Variants in DSCAML1 observed in about 807,000 individuals in gnomAD.
DSCAML1 encodes the protein cell adhesion molecule DSCAML1.
DSCAML1 carries 38 observed loss-of-function variants against 200.5 expected under a neutral mutation model. The observed-to-expected ratio is 0.19, with a 90% CI of 0.15 to 0.25. The LOEUF is 0.25. Ranked by LOEUF, DSCAML1 falls within the 10% of genes least tolerant of loss-of-function variation. DSCAML1 has a pLI of 1.00. For synonymous variants in DSCAML1, 1,215 were observed against 1,165.0 expected (o/e 1.04, Z -0.87); for missense variants, 2,223 against 2,858.8 (o/e 0.78, Z 5.07).
At chr11:117,546,615 G>A (rs2050377489) in intron 3 of DSCAML1, among the ~76,000 whole-genome samples, 1 of 152,070 alleles carries the variant, frequency 6.6e-6, no homozygotes, top group Non-Finnish European at 1.5e-5. Context: ...CCCTGACAGA[G>A]TGACCACTTG....
intron 3 of DSCAML1, among the ~76,000 whole-genome samples, chr11:117,558,094 G>C (rs957152083): frequency 1.3e-5 from 2 of 152,134 alleles, no homozygotes; most frequent in African/African-American, 4.8e-5. Context: ...ACAAAAAGCA[G>C]AAAAGACGGG....
chr11:117,730,282 G>A (rs2137815796), intron 3 of DSCAML1, among the ~76,000 whole-genome samples: 1 of 152,264 alleles, frequency 6.6e-6, no homozygotes, highest in South Asian at 2.1e-4. Context: ...TGATACAATT[G>A]CTAGCTTTAA....
At chr11:117,588,929 A>T (rs1028904082) in intron 3 of DSCAML1, among the ~76,000 whole-genome samples, 1 of 152,250 alleles carries the variant, frequency 6.6e-6, no homozygotes, top group Middle Eastern at 3.4e-3. Flanking sequence ...GCCTGAGACC[A>T]GGGGACCCTG....
intron 3 of DSCAML1, among the ~76,000 whole-genome samples, chr11:117,746,000 G>T (rs1441982063): frequency 6.6e-6 from 1 of 151,820 alleles, no homozygotes; most frequent in East Asian, 1.9e-4. Flanking sequence ...GGATCATGAG[G>T]TCAGGAGATC....
At position 117,518,358 on chromosome 11, in the gene DSCAML1, C is replaced by T. The variant is rs569362434; in HGVS notation, c.1510+108G>A. 1.5e-4 allele frequency: 225 copies of T among 1,488,358 alleles called. 1 individual carries two copies. The African/African-American group carries it at 2.7e-3, about 18-fold the overall frequency. The allele number at this position is 1,488,358 out of a possible 1,614,324, so 92.2% of individuals were successfully genotyped here. On this transcript the variant is annotated intron_variant, in intron 7 of 32. Transcript: ENST00000651296. The surrounding 1 kb of genome is among the most constrained non-coding windows in gnomAD (Gnocchi z 6.3). ...AGGGGAGAGAGACCTCTACTAAAAT[C>T]AAAATGACGATTAATAATAAGTACT...
At chr11:117,507,290 G>A (rs1038971921) in intron 8 of DSCAML1, among the ~76,000 whole-genome samples, 5 of 152,142 alleles carry the variant, frequency 3.3e-5, no homozygotes, top group African/African-American at 9.7e-5. Flanking sequence ...GGCACCAGCC[G>A]CACCCCTCCC....
chr11:117,519,640 G>A (rs2049849984), intron 6 of DSCAML1, among the ~76,000 whole-genome samples: 1 of 152,056 alleles, frequency 6.6e-6, no homozygotes, highest in African/African-American at 2.4e-5. Context: ...GGCAATGTAG[G>A]GAGACCATGT....
chr11:117,538,978 G>A (rs1160677963), intron 3 of DSCAML1, among the ~76,000 whole-genome samples: 2 of 152,188 alleles, frequency 1.3e-5, no homozygotes, highest in Non-Finnish European at 2.9e-5. Flanking sequence ...CCAGCACACA[G>A]CCAGAGCAAT....
Position 117,461,499 on chromosome 11 carries a change from G to A in DSCAML1, c.3363C>T (p.Gly1121=), listed in dbSNP as rs145257382. 7.3e-5 allele frequency: 118 copies of A among 1,614,220 alleles called. No individual in the cohort carries two copies. The highest frequency in any genetic ancestry group is 5.1e-4 in the East Asian group (23 of 44,884). Residue 1121 remains glycine, a synonymous_variant, in exon 18 of 33, where the codon GGC becomes GGT. Coordinates refer to ENST00000651296, the MANE Select transcript of DSCAML1 (RefSeq NM_020693.4). The part of the protein sequence containing the change: ...WSEPPRSTLN[G]VLKGYRVIFW... The stretch of plus-strand genomic sequence containing the variant: ...AGATGACCCGATAGCCTTTGAGGAC[G>A]CCATTGAGGGTGCTGCGCGGGGGCT...
chr11:117,593,225 T>C (rs1469714345), intron 3 of DSCAML1, among the ~76,000 whole-genome samples: 1 of 152,072 alleles, frequency 6.6e-6, no homozygotes, highest in Non-Finnish European at 1.5e-5. Flanking sequence ...ACTCACAGGC[T>C]CAGTGCAGAA....
At chr11:117,707,044 A>T (rs2053770181) in intron 3 of DSCAML1, among the ~76,000 whole-genome samples, 1 of 152,168 alleles carries the variant, frequency 6.6e-6, no homozygotes, top group African/African-American at 2.4e-5. Flanking sequence ...GTACTCTGGG[A>T]TACGGTCTTA....
intron 3 of DSCAML1, among the ~76,000 whole-genome samples, chr11:117,688,588 T>G (rs2053445258): frequency 6.6e-6 from 1 of 152,130 alleles, no homozygotes; most frequent in African/African-American, 2.4e-5. Flanking sequence ...AATGGGATTT[T>G]GGGCTGGGCT....
At chr11:117,508,837 G>A (rs2049560602) in intron 8 of DSCAML1, among the ~76,000 whole-genome samples, 1 of 152,138 alleles carries the variant, frequency 6.6e-6, no homozygotes, top group Non-Finnish European at 1.5e-5. Context: ...AGAACACCAT[G>A]TTTCCATTGA....
intron 20 of DSCAML1, among the ~76,000 whole-genome samples, chr11:117,446,996 CAT>C (rs2048192442): frequency 6.6e-6 from 1 of 152,256 alleles, no homozygotes; most frequent in Middle Eastern, 3.4e-3. Flanking sequence ...CACTCAAGAT[CAT>C]GTTTTAGGTC....
At chr11:117,509,046 A>C (rs1000439140) in intron 8 of DSCAML1, among the ~76,000 whole-genome samples, 2 of 152,084 alleles carry the variant, frequency 1.3e-5, no homozygotes, top group Non-Finnish European at 2.9e-5. Flanking sequence ...TGGGCTGGGG[A>C]AAGTAGAAAC....
At chr11:117,678,118 C>A (rs1258677806) in intron 3 of DSCAML1, among the ~76,000 whole-genome samples, 1 of 152,206 alleles carries the variant, frequency 6.6e-6, no homozygotes, top group East Asian at 1.9e-4. Context: ...GGGCGGCTGA[C>A]AAGCTCGCTC....
intron 3 of DSCAML1, among the ~76,000 whole-genome samples, chr11:117,734,810 G>A (rs1401455228): frequency 6.6e-6 from 1 of 152,182 alleles, no homozygotes; most frequent in Admixed American, 6.5e-5. Context: ...AGGTGAGAAA[G>A]GTGGTTTAGG....
At chr11:117,774,161 G>A (rs2055088390) in intron 3 of DSCAML1, among the ~76,000 whole-genome samples, 1 of 152,112 alleles carries the variant, frequency 6.6e-6, no homozygotes, top group Non-Finnish European at 1.5e-5. Context: ...CTCTGTCCAT[G>A]CCATTCCCCA....
chr11:117,713,566 C>T (rs376141909), intron 3 of DSCAML1, among the ~76,000 whole-genome samples: 4 of 152,182 alleles, frequency 2.6e-5, no homozygotes, highest in Admixed American at 6.5e-5. Flanking sequence ...TGACACTCAC[C>T]GTCCCCCTCC....
Sources: allele counts gnomAD v4.1 joint callset (sites outside exome capture counted in the v4.1 genomes callset), GRCh38; gene constraint gnomAD v4.1.1; non-coding constraint Gnocchi (gnomAD v3.1); transcripts MANE v1.5; gene names NCBI Gene and HGNC (gene_info 2026-07-23, HGNC 2026-07-21).